Variants in AFAP1L1 observed in about 807,000 individuals in gnomAD.
AFAP1L1 encodes the protein actin filament-associated protein 1-like 1.
Under a neutral mutation model 99.8 loss-of-function variants are expected in AFAP1L1, and 77 were observed. That is an observed-to-expected ratio of 0.77 (90% CI 0.64 to 0.93). The LOEUF (loss-of-function observed/expected upper bound fraction) is 0.93, where lower values mean the gene tolerates loss of function less well. AFAP1L1 is among the 40% of genes least tolerant of loss of function. AFAP1L1 has a pLI of 0.00. For missense variants in AFAP1L1, 893 were observed against 996.8 expected, an observed-to-expected ratio of 0.90 and a Z score of 1.40; for synonymous variants, 373 against 395.3, an observed-to-expected ratio of 0.94 and a Z score of 0.67.
Position 149,320,490 on chromosome 5 carries a change from A to G in AFAP1L1, c.1698+27A>G, listed in dbSNP as rs961882796. ...TACAGTCCCTTGGGGCTGCCCAGGA[A>G]TGTGGCAAAGGCCACTTATTAGCTC... On this transcript the variant is annotated intron_variant, in intron 14 of 18. Transcript: ENST00000296721. The surrounding 1 kb of genome is among the most constrained non-coding windows in gnomAD (Gnocchi z 4.0). 6.2e-7 allele frequency: 1 copy of G among 1,610,418 alleles called. No individual in the cohort carries two copies. Among genetic ancestry groups the G allele is most frequent in the South Asian group, 1.1e-5 (1 of 90,992 alleles).
chr5:149,291,524 CAAAAAAA>C (rs1229134807), intron 1 of AFAP1L1, among the ~76,000 whole-genome samples: 1 of 13,396 alleles, frequency 7.5e-5, no homozygotes, highest in Admixed American at 8.8e-4. Context: ...GACTCCGTCT[CAAAAAAA>C]AAAAAAAAAA....
rs532661499 is a variant in AFAP1L1 at position 149,300,739 on chromosome 5, A to G, written c.229+385A>G. Among the ~76,000 whole-genome samples the G allele has an allele frequency of 6.6e-5, 10 of 152,370 alleles. 1 individual carries two copies. Among genetic ancestry groups the G allele is most frequent in the African/African-American group, 2.2e-4 (9 of 41,592 alleles). On this transcript the variant is annotated intron_variant, in intron 3 of 18. Coordinates refer to ENST00000296721, the MANE Select transcript of AFAP1L1 (RefSeq NM_152406.4). ...GAGCAGCTGAGCTGGCTGCATGCAG[A>G]GTACCTGCCGTCCTAGCCCTATCCT...
chr5:149,291,790 C>G (rs1246040777), intron 1 of AFAP1L1, among the ~76,000 whole-genome samples: 1 of 152,180 alleles, frequency 6.6e-6, no homozygotes, highest in African/African-American at 2.4e-5. Context: ...CTGGTTCTTT[C>G]TCCAGAACAG....
chr5:149,295,182 G>A (rs1195048867), intron 1 of AFAP1L1, among the ~76,000 whole-genome samples: 1 of 152,174 alleles, frequency 6.6e-6, no homozygotes, highest in Non-Finnish European at 1.5e-5. Context: ...TTCTCCATCT[G>A]CTTCTCTCAG....
At chr5:149,300,998 GT>G (rs1756186973) in intron 3 of AFAP1L1, 134 bp from the exon 4 acceptor site, 1 of 656,248 alleles carries the variant, frequency 1.5e-6, no homozygotes, top group Non-Finnish European at 2.7e-6. Context: ...AAAGTCATTT[GT>G]TTAGGGTTAC....
At chr5:149,330,884 G>C (rs899872041) in intron 16 of AFAP1L1, among the ~76,000 whole-genome samples, 1 of 151,960 alleles carries the variant, frequency 6.6e-6, no homozygotes, top group East Asian at 1.9e-4. Flanking sequence ...GATATATCTA[G>C]GGCCAAGGAC....
intron 17 of AFAP1L1, among the ~76,000 whole-genome samples, chr5:149,334,765 A>C (rs1182814735): frequency 1.3e-5 from 2 of 151,948 alleles, no homozygotes; most frequent in Non-Finnish European, 2.9e-5. Flanking sequence ...CGCAAAAATT[A>C]ATTGGGCATG....
At chr5:149,339,275 C>A (rs891798337) in intron 18 of AFAP1L1, among the ~76,000 whole-genome samples, 1 of 151,498 alleles carries the variant, frequency 6.6e-6, no homozygotes, top group Non-Finnish European at 1.5e-5. Context: ...CTGCAACCTC[C>A]ACCTCCCAGG....
chr5:149,276,747 C>T (rs1755339140), intron 1 of AFAP1L1: 1 of 152,210 alleles, frequency 6.6e-6, no homozygotes, highest in Non-Finnish European at 1.5e-5. Flanking sequence ...TACTCCAACT[C>T]TGATGTTGCT....
intron 13 of AFAP1L1, 144 bp downstream of exon 13, chr5:149,319,871 C>A: frequency 1.6e-6 from 2 of 1,241,500 alleles, no homozygotes; most frequent in East Asian, 2.6e-5. Context: ...GAATGAGTGT[C>A]TTCCTCTTCC....
chr5:149,339,651 ATCATTTACCAGCCTT>A (rs572452634), intron 18 of AFAP1L1, among the ~76,000 whole-genome samples: 28 of 152,312 alleles, frequency 1.8e-4, no homozygotes, highest in African/African-American at 1.7e-4. Context: ...CCCACAGACT[ATCATTTACCAGCCTT>A]TCATCTAAAG....
chr5:149,331,075 T>G (rs1217773230), intron 16 of AFAP1L1, among the ~76,000 whole-genome samples: 1 of 152,142 alleles, frequency 6.6e-6, no homozygotes, highest in African/African-American at 2.4e-5. Flanking sequence ...GAACTGATTT[T>G]TAAACCTGGT....
intron 1 of AFAP1L1, among the ~76,000 whole-genome samples, chr5:149,283,478 A>T (rs1357279104): frequency 1.3e-5 from 2 of 152,142 alleles, no homozygotes; most frequent in African/African-American, 4.8e-5. Context: ...AACCATATGT[A>T]TTTTTATTTC....
intron 15 of AFAP1L1, among the ~76,000 whole-genome samples, chr5:149,328,551 G>A (rs548134515): frequency 6.6e-6 from 1 of 152,306 alleles, no homozygotes; most frequent in South Asian, 2.1e-4. Context: ...GCTCACTCCT[G>A]TAATCCCAGC....
At chr5:149,330,784 A>G (rs897142338) in intron 16 of AFAP1L1, among the ~76,000 whole-genome samples, 5 of 152,100 alleles carry the variant, frequency 3.3e-5, no homozygotes, top group Non-Finnish European at 7.3e-5. Flanking sequence ...AACATATCAG[A>G]TTATTTATTA....
At chr5:149,290,157 C>T (rs937962962) in intron 1 of AFAP1L1, among the ~76,000 whole-genome samples, 2 of 152,182 alleles carry the variant, frequency 1.3e-5, no homozygotes, top group Non-Finnish European at 1.5e-5. Context: ...TGCTTGAACC[C>T]GGGAGGCAGA....
intron 1 of AFAP1L1, among the ~76,000 whole-genome samples, chr5:149,289,454 T>G (rs1389836152): frequency 7.0e-6 from 1 of 142,836 alleles, no homozygotes; most frequent in Non-Finnish European, 1.6e-5. Context: ...TGCAGCTGGG[T>G]TTTTTTTTTT....
chr5:149,279,221 A>C (rs1198361717), intron 1 of AFAP1L1, among the ~76,000 whole-genome samples: 1 of 152,248 alleles, frequency 6.6e-6, no homozygotes, highest in African/African-American at 2.4e-5. Context: ...AAGTTTCTAC[A>C]GAAGGAGATT....
intron 5 of AFAP1L1, among the ~76,000 whole-genome samples, chr5:149,303,894 C>T (rs1188746288): frequency 2.0e-5 from 3 of 152,202 alleles, no homozygotes; most frequent in African/African-American, 7.2e-5. Context: ...ACCATTTCCA[C>T]CATTTCAAGC....
Sources: allele counts gnomAD v4.1 joint callset (sites outside exome capture counted in the v4.1 genomes callset), GRCh38; gene constraint gnomAD v4.1.1; non-coding constraint Gnocchi (gnomAD v3.1); transcripts MANE v1.5; gene names NCBI Gene and HGNC (gene_info 2026-07-23, HGNC 2026-07-21).